Variants in PCDH15 observed in about 807,000 individuals in gnomAD.
PCDH15 encodes protocadherin related 15, also known as protocadherin-15.
In PCDH15, 129 loss-of-function variants were observed where a neutral mutation model predicts 178.5. The observed-to-expected ratio is 0.72, with a 90% confidence interval of 0.63 to 0.84. The LOEUF (loss-of-function observed/expected upper bound fraction) is 0.84, where lower values mean the gene tolerates loss of function less well. Ranked by LOEUF, PCDH15 falls within the 40% of genes least tolerant of loss-of-function variation. The pLI is 0.00. For synonymous variants in PCDH15, 800 were observed against 732.0 expected (o/e 1.09, Z -1.50); for missense variants, 2,230 against 2,099.9 (o/e 1.06, Z -1.21).
rs138631667 is a variant in PCDH15 at position 54,031,323 on chromosome 10, C to T, written c.2221-8126G>A. ...TTCAGTTCTACTTCATCTGGGAAAC[C>T]TCTTCTTTCCATCCAGCCTTCTGGT... On this transcript the variant is annotated intron_variant, in intron 18 of 37. Transcript: ENST00000644397. Among the ~76,000 whole-genome samples the T allele has an allele frequency of 3.0e-3, 459 of 152,046 alleles. 1 individual carries two copies. The highest frequency in any genetic ancestry group is 5.2e-3 in the Non-Finnish European group (352 of 67,976).
chr10:54,607,939 A>G (rs1366824561), intron 2 of PCDH15: 1 of 507,880 alleles, frequency 2.0e-6, no homozygotes, highest in African/African-American at 2.0e-5. Context: ...AACTGTGATT[A>G]CTTTTGCACC....
chr10:55,298,471 T>C (rs866080172), intron 1 of PCDH15, among the ~76,000 whole-genome samples: 5 of 152,146 alleles, frequency 3.3e-5, no homozygotes, highest in African/African-American at 7.2e-5. Context: ...TTAGTGAAAA[T>C]TGAACTCTGT....
chr10:55,049,172 T>C (rs1055801152), intron 2 of PCDH15, among the ~76,000 whole-genome samples: 3 of 152,106 alleles, frequency 2.0e-5, no homozygotes, highest in African/African-American at 7.2e-5. Context: ...TGTTTATATC[T>C]TCAAAGGACC....
chr10:54,153,073 G>C (rs1443647995), intron 14 of PCDH15, 27 bp downstream of exon 14: 2 of 1,612,646 alleles, frequency 1.2e-6, no homozygotes, highest in Non-Finnish European at 1.7e-6. Context: ...CCGATGAAAA[G>C]ACTGCATTGG....
At chr10:55,011,707 T>G (rs1473651856) in intron 2 of PCDH15, among the ~76,000 whole-genome samples, 2 of 152,000 alleles carry the variant, frequency 1.3e-5, no homozygotes, top group Admixed American at 1.3e-4. Flanking sequence ...AGAAGTACAT[T>G]AATAGGTCAT....
chr10:54,465,042 G>A (rs886181413), intron 3 of PCDH15, among the ~76,000 whole-genome samples: 5 of 151,964 alleles, frequency 3.3e-5, no homozygotes, highest in African/African-American at 1.2e-4. Context: ...ACATTTGTCT[G>A]CAATATATTT....
rs746673633 is a variant in PCDH15, at chr10:54,396,616, C to T, written c.158-17674G>A. On this transcript the variant is annotated intron_variant, in intron 3 of 37. Coordinates refer to ENST00000644397, the MANE Select transcript of PCDH15 (RefSeq NM_001384140.1). ...CTTTTGATACACTTTAATTATAATC[C>T]TTAAAAATCAGTCTCTGTGTTAGAA... 3.9e-5 allele frequency among the ~76,000 whole-genome samples: 6 copies of T among 151,994 alleles called. 1 individual carries two copies. Among genetic ancestry groups the T allele is most frequent in the Non-Finnish European group, 7.4e-5 (5 of 67,984 alleles).
chr10:53,926,626 T>A (rs771312081), intron 25 of PCDH15, among the ~76,000 whole-genome samples: 1 of 152,206 alleles, frequency 6.6e-6, no homozygotes, highest in African/African-American at 2.4e-5. Flanking sequence ...AGAAGAATTT[T>A]AAATTTATAC....
chr10:54,240,233 A>G (rs547584513), intron 8 of PCDH15, among the ~76,000 whole-genome samples: 1 of 152,102 alleles, frequency 6.6e-6, no homozygotes, highest in East Asian at 1.9e-4. Context: ...CAGAAGTAAA[A>G]TAATAATAAT....
chr10:55,307,083 A>C (rs1843446306), intron 1 of PCDH15, among the ~76,000 whole-genome samples: 1 of 151,896 alleles, frequency 6.6e-6, no homozygotes, highest in Non-Finnish European at 1.5e-5. Context: ...ATACATCTTA[A>C]AATATTTTTC....
intron 2 of PCDH15, among the ~76,000 whole-genome samples, chr10:55,520,509 A>C (rs200152286): frequency 9.3e-5 from 12 of 128,582 alleles, no homozygotes; most frequent in South Asian, 8.4e-4. Flanking sequence ...GTGTGTGTAT[A>C]TGTGTGTGTG....
chr10:54,940,568 G>T (rs1392978848), intron 2 of PCDH15, among the ~76,000 whole-genome samples: 1 of 152,116 alleles, frequency 6.6e-6, no homozygotes, highest in Admixed American at 6.6e-5. Flanking sequence ...TTATGCTGTT[G>T]TTCAAGTCTT....
intron 26 of PCDH15, among the ~76,000 whole-genome samples, chr10:53,887,852 G>GCACTCCAGC (rs1467702339): frequency 6.6e-6 from 1 of 152,070 alleles, no homozygotes; most frequent in Admixed American, 6.6e-5. Flanking sequence ...TCGCGCCACC[G>GCACTCCAGC]CACTCCAGCC....
upstream of PCDH15, among the ~76,000 whole-genome samples, chr10:54,802,730 A>C (rs1952704252): frequency 1.3e-5 from 2 of 152,200 alleles, no homozygotes; most frequent in Non-Finnish European, 2.9e-5. Flanking sequence ...TGTTGAATAG[A>C]GCAGCTGGTA....
At chr10:55,539,482 T>C (rs1396674369) in intron 2 of PCDH15, among the ~76,000 whole-genome samples, 1 of 152,064 alleles carries the variant, frequency 6.6e-6, no homozygotes, top group Non-Finnish European at 1.5e-5. Context: ...AGAAACCATC[T>C]TTAGGCAGTA....
chr10:55,024,542 T>C (rs2384610), intron 2 of PCDH15, among the ~76,000 whole-genome samples: 69,248 of 151,166 alleles, frequency 0.46, 17,751 homozygotes, highest in East Asian at 0.74. Context: ...AGATGTGTAA[T>C]CAGTGATATC....
At chr10:54,109,384 T>C (rs1327811217) in intron 15 of PCDH15, among the ~76,000 whole-genome samples, 2 of 152,060 alleles carry the variant, frequency 1.3e-5, no homozygotes, top group Non-Finnish European at 1.5e-5. Context: ...CACTGAAGAA[T>C]AAAACTAGAC....
At chr10:54,943,620 TTGA>T (rs1370715980) in intron 2 of PCDH15, among the ~76,000 whole-genome samples, 1 of 151,938 alleles carries the variant, frequency 6.6e-6, no homozygotes, top group Non-Finnish European at 1.5e-5. Context: ...TATAATGCAT[TTGA>T]TATATAAAGC....
At chr10:54,059,690 G>C (rs1022979513) in intron 18 of PCDH15, among the ~76,000 whole-genome samples, 5 of 152,188 alleles carry the variant, frequency 3.3e-5, no homozygotes, top group Non-Finnish European at 7.3e-5. Context: ...TGCTGATGCT[G>C]ATGCTGCTTT....
Sources: gnomAD v4.1 joint callset for allele counts (sites outside exome capture counted in the v4.1 genomes callset) on GRCh38, gnomAD v4.1.1 for gene constraint, MANE v1.5 for transcripts, NCBI Gene and HGNC (gene_info 2026-07-23, HGNC 2026-07-21) for gene names.